Variants in ARHGEF3 observed in about 807,000 individuals in gnomAD.
ARHGEF3 encodes the protein Rho guanine nucleotide exchange factor 3, also known as 59.8 kDA protein.
Under a neutral mutation model 63.2 loss-of-function variants are expected in ARHGEF3, and 28 were observed. The ratio of observed to expected loss-of-function variants is 0.44; its 90% confidence interval spans 0.33 to 0.61. ARHGEF3 has a LOEUF of 0.61. Among genes scored for constraint, ARHGEF3 ranks in the 20% least tolerant of loss-of-function variants. The pLI is 0.03. For missense variants in ARHGEF3, 533 were observed against 659.3 expected, an observed-to-expected ratio of 0.81 and a Z score of 2.10; for synonymous variants, 266 against 254.2, an observed-to-expected ratio of 1.05 and a Z score of -0.44.
In ARHGEF3 at chr3:56,752,739, C is replaced by G. The variant is rs116493841; in HGVS notation, c.438+765G>C. 1.6e-3 allele frequency among the ~76,000 whole-genome samples: 238 copies of G among 152,376 alleles called. 1 individual carries two copies. Among genetic ancestry groups the G allele is most frequent in the African/African-American group, 5.4e-3 (223 of 41,596 alleles). ...GAGTGAAATAACTTCTTTGTCCTCTCTGATCTCCTCCTCCTCCAGCTCTGC... is the reference window on the plus strand; with the variant it reads ...GAGTGAAATAACTTCTTTGTCCTCTGTGATCTCCTCCTCCTCCAGCTCTGC... On this transcript the variant is annotated intron_variant, in intron 4 of 9. Coordinates refer to ENST00000296315, the MANE Select transcript of ARHGEF3 (RefSeq NM_019555.3).
intron 2 of ARHGEF3, among the ~76,000 whole-genome samples, chr3:57,020,104 G>T (rs549461119): frequency 6.6e-6 from 1 of 152,300 alleles, no homozygotes; most frequent in African/African-American, 2.4e-5. Context: ...CACCATGTTA[G>T]TCAGGCTGGT....
At chr3:57,051,938 G>C (rs1704687902) in intron 1 of ARHGEF3, among the ~76,000 whole-genome samples, 3 of 151,994 alleles carry the variant, frequency 2.0e-5, no homozygotes, top group Admixed American at 2.0e-4. Context: ...ACTCTAGCCT[G>C]GGTGACAGAG....
chr3:56,834,888 A>G (rs796655294), intron 4 of ARHGEF3, among the ~76,000 whole-genome samples: 53 of 152,332 alleles, frequency 3.5e-4, no homozygotes, highest in African/African-American at 1.3e-3. Flanking sequence ...CCATGTAAAC[A>G]TACATTTGGC....
chr3:56,753,458 A>G (rs765199021), intron 4 of ARHGEF3, 46 bp downstream of exon 4: 5 of 1,557,732 alleles, frequency 3.2e-6, no homozygotes, highest in Non-Finnish European at 3.5e-6. Flanking sequence ...ATTACTCAAG[A>G]AAAAAAATGT....
intron 4 of ARHGEF3, among the ~76,000 whole-genome samples, chr3:56,865,975 T>G (rs182644535): frequency 3.0e-4 from 44 of 147,316 alleles, no homozygotes; most frequent in African/African-American, 9.9e-4. Context: ...ATCATTTGCC[T>G]TTTGGGTTAT....
intron 2 of ARHGEF3, among the ~76,000 whole-genome samples, chr3:57,020,034 G>A (rs2107157223): frequency 6.6e-6 from 1 of 152,288 alleles, no homozygotes; most frequent in Non-Finnish European, 1.5e-5. Flanking sequence ...AAGTAGCTGG[G>A]ACTACAGGCG....
chr3:56,834,597 T>C (rs771218546), intron 4 of ARHGEF3, among the ~76,000 whole-genome samples: 53 of 151,994 alleles, frequency 3.5e-4, no homozygotes, highest in Non-Finnish European at 1.6e-4. Context: ...CTGTCTCTAC[T>C]AAAAATATGA....
At chr3:56,947,842 A>G (rs1699594978) in intron 3 of ARHGEF3, among the ~76,000 whole-genome samples, 1 of 152,170 alleles carries the variant, frequency 6.6e-6, no homozygotes, top group South Asian at 2.1e-4. Context: ...TCAGCACCAC[A>G]CCGCACTTAT....
intron 3 of ARHGEF3, among the ~76,000 whole-genome samples, chr3:56,919,738 A>G (rs1328695224): frequency 6.6e-6 from 1 of 152,174 alleles, no homozygotes; most frequent in Non-Finnish European, 1.5e-5. Flanking sequence ...CTTACCATGT[A>G]TTTTCCCACG....
At chr3:56,807,438 G>A (rs1428439690) in intron 4 of ARHGEF3, among the ~76,000 whole-genome samples, 2 of 152,194 alleles carry the variant, frequency 1.3e-5, no homozygotes, top group African/African-American at 4.8e-5. Context: ...AGGAACAGTA[G>A]CTGATCCCCG....
chr3:56,935,743 C>T (rs1560064397), intron 3 of ARHGEF3, among the ~76,000 whole-genome samples: 1 of 152,138 alleles, frequency 6.6e-6, no homozygotes, highest in South Asian at 2.1e-4. Context: ...TCCACACGCG[C>T]CACCTTAAGA....
intron 4 of ARHGEF3, among the ~76,000 whole-genome samples, chr3:56,865,457 G>A (rs2040214032): frequency 6.6e-6 from 1 of 152,114 alleles, no homozygotes; most frequent in Non-Finnish European, 1.5e-5. Context: ...CAAATGTAAA[G>A]GAAGATAATT....
intron 1 of ARHGEF3, among the ~76,000 whole-genome samples, chr3:57,043,543 T>C (rs745581795): frequency 6.7e-6 from 1 of 149,220 alleles, no homozygotes; most frequent in Non-Finnish European, 1.5e-5. Flanking sequence ...AAAGCTGTAA[T>C]GATGGGATAT....
intron 2 of ARHGEF3, among the ~76,000 whole-genome samples, chr3:57,006,560 A>C (rs899777835): frequency 1.3e-5 from 2 of 152,174 alleles, no homozygotes; most frequent in Non-Finnish European, 2.9e-5. Flanking sequence ...TTCTATCAGT[A>C]AAGACACATG....
intron 8 of ARHGEF3, among the ~76,000 whole-genome samples, chr3:56,736,405 A>G (rs1317907903): frequency 6.6e-6 from 1 of 152,236 alleles, no homozygotes; most frequent in Admixed American, 6.5e-5. Flanking sequence ...ATGGGTATCT[A>G]TAGGTCAAAG....
intron 3 of ARHGEF3, among the ~76,000 whole-genome samples, chr3:56,927,493 A>G (rs1009352435): frequency 1.3e-5 from 2 of 152,136 alleles, no homozygotes; most frequent in Non-Finnish European, 2.9e-5. Context: ...TATTTTAAAT[A>G]TACGATATGT....
At chr3:56,814,379 G>A (rs2038186220) in intron 4 of ARHGEF3, among the ~76,000 whole-genome samples, 1 of 152,116 alleles carries the variant, frequency 6.6e-6, no homozygotes. Context: ...TTCTTCCACT[G>A]TGGCCCACGG....
At chr3:56,901,553 C>G (rs2041510453) in intron 3 of ARHGEF3, among the ~76,000 whole-genome samples, 1 of 150,848 alleles carries the variant, frequency 6.6e-6, no homozygotes, top group South Asian at 2.1e-4. Flanking sequence ...GGGGGGAATA[C>G]AGGGCTAAGT....
chr3:56,907,946 T>G (rs2041745482), intron 3 of ARHGEF3, among the ~76,000 whole-genome samples: 1 of 152,128 alleles, frequency 6.6e-6, no homozygotes, highest in Admixed American at 6.5e-5. Flanking sequence ...GATGAAATAA[T>G]CGATACAACA....
Sources: allele counts gnomAD v4.1 joint callset (sites outside exome capture counted in the v4.1 genomes callset), GRCh38; gene constraint gnomAD v4.1.1; transcripts MANE v1.5; gene names NCBI Gene and HGNC (gene_info 2026-07-23, HGNC 2026-07-21).